Variants in INPP4B observed in about 807,000 individuals in gnomAD.
The protein encoded by INPP4B is inositol polyphosphate-4-phosphatase type II B, also known as inositol polyphosphate 4-phosphatase type II.
Under a neutral mutation model 122.5 loss-of-function variants are expected in INPP4B, and 55 were observed. That is an observed-to-expected ratio of 0.45 (90% CI 0.36 to 0.56). INPP4B has a LOEUF of 0.56. Among genes scored for constraint, INPP4B ranks in the 20% least tolerant of loss-of-function variants. The pLI is 0.00. For missense variants in INPP4B, 1,000 were observed against 1,097.7 expected, an observed-to-expected ratio of 0.91 and a Z score of 1.26; for synonymous variants, 403 against 388.7, an observed-to-expected ratio of 1.04 and a Z score of -0.43.
At position 142,667,692 on chromosome 4, in the gene INPP4B, G is replaced by A. The variant is rs142754317; in HGVS notation, c.-191+58147C>T. On this transcript the variant is annotated intron_variant, in intron 2 of 25. Coordinates refer to ENST00000262992, the MANE Select transcript of INPP4B (RefSeq NM_001101669.3). ...TTGGATCTAGGAGTAGTACATTGGA[G>A]GATAGCGAAGACTATAAGGCTATTG... is the stretch of plus-strand genomic sequence containing the variant. Among the ~76,000 whole-genome samples, 415 of 152,218 alleles carry A rather than the reference G, an allele frequency of 2.7e-3. 2 individuals carry two copies. Among genetic ancestry groups the A allele is most frequent in the African/African-American group, 9.4e-3 (391 of 41,528 alleles).
At chr4:142,725,677 A>T (rs566820686) in intron 2 of INPP4B, among the ~76,000 whole-genome samples, 162 bp downstream of exon 2, 2 of 152,324 alleles carry the variant, frequency 1.3e-5, no homozygotes, top group South Asian at 4.1e-4. Context: ...TGTTCACTTT[A>T]TCAATCTGAT....
intron 3 of INPP4B, among the ~76,000 whole-genome samples, chr4:142,435,114 C>A (rs1426094191): frequency 6.6e-6 from 1 of 152,062 alleles, no homozygotes; most frequent in Non-Finnish European, 1.5e-5. Flanking sequence ...TTCCATTTGT[C>A]CCATGCCACA....
intron 15 of INPP4B, among the ~76,000 whole-genome samples, chr4:142,192,199 T>C (rs1215865665): frequency 6.6e-6 from 1 of 151,372 alleles, no homozygotes; most frequent in Non-Finnish European, 1.5e-5. Flanking sequence ...ATTGAAAAAC[T>C]ACCTATTAGA....
At chr4:142,117,975 A>T (rs9997383) in intron 21 of INPP4B, among the ~76,000 whole-genome samples, 1 of 151,926 alleles carries the variant, frequency 6.6e-6, no homozygotes, top group South Asian at 2.1e-4. Flanking sequence ...GTACAAAAAT[A>T]ACAAGCTTTA....
chr4:142,581,935 T>C (rs1274719536), intron 2 of INPP4B, among the ~76,000 whole-genome samples: 1 of 152,036 alleles, frequency 6.6e-6, no homozygotes, highest in Non-Finnish European at 1.5e-5. Context: ...TCAATTGTGT[T>C]ACATGGAAGA....
chr4:142,123,221 T>C lies in INPP4B; in HGVS notation c.2017+71A>G, dbSNP rs1578986928. Reference sequence around the variant, plus strand: ...AGGTTTACTTATTTTTATGTTTTCTTGAAAAATTTCTGGATTAAATGTCCT... The same window carrying C: ...AGGTTTACTTATTTTTATGTTTTCTCGAAAAATTTCTGGATTAAATGTCCT... On this transcript the variant is annotated intron_variant, in intron 20 of 25. Coordinates refer to ENST00000262992, the MANE Select transcript of INPP4B (RefSeq NM_001101669.3). 9 of 1,305,958 alleles carry C rather than the reference T, an allele frequency of 6.9e-6. No individual in the cohort carries two copies. The East Asian group carries it at 2.0e-4, about 29-fold the overall frequency. 80.9% of individuals were successfully genotyped at this position (1,305,958 alleles called of 1,614,324 possible). A position where few individuals can be genotyped will look rare whatever the true frequency, so the allele number is the denominator to read the frequency against.
chr4:142,087,385 A>C (rs1409333795), intron 23 of INPP4B, among the ~76,000 whole-genome samples: 2 of 152,212 alleles, frequency 1.3e-5, no homozygotes, highest in Non-Finnish European at 1.5e-5. Context: ...AATGGCATAC[A>C]CTTTATACTA....
chr4:142,365,226 T>A (rs1786999900), intron 7 of INPP4B, among the ~76,000 whole-genome samples: 1 of 152,076 alleles, frequency 6.6e-6, no homozygotes, highest in African/African-American at 2.4e-5. Flanking sequence ...GAGGAGGAAT[T>A]TGACATAAAC....
At chr4:142,057,077 G>A (rs1431664071) in intron 25 of INPP4B, among the ~76,000 whole-genome samples, 1 of 151,956 alleles carries the variant, frequency 6.6e-6, no homozygotes, top group Admixed American at 6.6e-5. Context: ...GTATGGTACT[G>A]TTTGTGATGG....
chr4:142,314,566 T>A, intron 8 of INPP4B, 146 bp downstream of exon 8: 1 of 726,354 alleles, frequency 1.4e-6, no homozygotes. Context: ...ATTCAGCAAA[T>A]ATGTGACAGT....
chr4:142,697,459 G>C (rs949366838), intron 2 of INPP4B, among the ~76,000 whole-genome samples: 2 of 152,182 alleles, frequency 1.3e-5, no homozygotes, highest in African/African-American at 4.8e-5. Flanking sequence ...GTTTCTGGCA[G>C]TAGGCTTTAA....
rs532350477 is a variant in INPP4B at position 142,310,033 on chromosome 4, G to A, written c.424-4496C>T. On this transcript the variant is annotated intron_variant, in intron 8 of 25. Transcript: ENST00000262992. Reference sequence around the variant, plus strand: ...TGGCTCCCCAGTCACCTTTAAGGGGGTCAGAGAAGGTACAGCACCATACAT... The same window carrying A: ...TGGCTCCCCAGTCACCTTTAAGGGGATCAGAGAAGGTACAGCACCATACAT... Among the ~76,000 whole-genome samples, 30 of 152,244 alleles carry A rather than the reference G, an allele frequency of 2.0e-4. 1 individual carries two copies. The highest frequency in any genetic ancestry group is 5.5e-4 in the African/African-American group (23 of 41,542).
chr4:142,579,857 G>GGATA (rs10541845), intron 2 of INPP4B, among the ~76,000 whole-genome samples: 48,603 of 128,980 alleles, frequency 0.38, 10,779 homozygotes, highest in East Asian at 0.55. Flanking sequence ...TTGGATGAAT[G>GGATA]GATAGATAGA....
intron 7 of INPP4B, among the ~76,000 whole-genome samples, chr4:142,374,250 G>A (rs1246945998): frequency 6.6e-6 from 1 of 151,898 alleles, no homozygotes; most frequent in Non-Finnish European, 1.5e-5. Flanking sequence ...TTGTGTTGAA[G>A]TCTGGATATA....
intron 25 of INPP4B, among the ~76,000 whole-genome samples, chr4:142,046,055 T>A (rs897191572): frequency 1.1e-5 from 1 of 88,202 alleles, no homozygotes; most frequent in African/African-American, 2.7e-5. Context: ...ACCCTGCAAC[T>A]TTTTTTATTG....
intron 1 of INPP4B, among the ~76,000 whole-genome samples, chr4:142,820,911 C>T (rs1229282441): frequency 5.3e-5 from 8 of 151,938 alleles, no homozygotes; most frequent in East Asian, 3.9e-4. Flanking sequence ...TAGCTTAGTC[C>T]GAGTCCTTTT....
At chr4:142,658,921 G>A (rs1305834418) in intron 2 of INPP4B, among the ~76,000 whole-genome samples, 1 of 152,158 alleles carries the variant, frequency 6.6e-6, no homozygotes, top group Non-Finnish European at 1.5e-5. Flanking sequence ...ACAAACCCAT[G>A]GTTGGGCTTG....
intron 23 of INPP4B, among the ~76,000 whole-genome samples, chr4:142,101,361 T>C (rs1784392998): frequency 6.6e-6 from 1 of 152,118 alleles, no homozygotes; most frequent in Non-Finnish European, 1.5e-5. Context: ...CAGTTATTTT[T>C]GGGTCTGTGA....
intron 9 of INPP4B, among the ~76,000 whole-genome samples, chr4:142,290,524 C>G (rs1247136219): frequency 6.6e-6 from 1 of 151,972 alleles, no homozygotes; most frequent in Non-Finnish European, 1.5e-5. Flanking sequence ...TTCTTTACCT[C>G]TCCTCCATGC....
Sources: gnomAD v4.1 joint callset for allele counts (sites outside exome capture counted in the v4.1 genomes callset) on GRCh38, gnomAD v4.1.1 for gene constraint, MANE v1.5 for transcripts, NCBI Gene and HGNC (gene_info 2026-07-23, HGNC 2026-07-21) for gene names.